ABCA9: variants seen among roughly 807,000 people sequenced by gnomAD.
ABCA9 encodes the protein ATP-binding cassette sub-family A member 9.
In ABCA9, 183 loss-of-function variants were observed where a neutral mutation model predicts 205.3. That is an observed-to-expected ratio of 0.89 (90% CI 0.79 to 1.01). The LOEUF (loss-of-function observed/expected upper bound fraction) is 1.01, where lower values mean the gene tolerates loss of function less well. Ranked by LOEUF, ABCA9 falls within the 50% of genes least tolerant of loss-of-function variation. The probability of loss-of-function intolerance (pLI) is 0.00; values close to 1 mark genes in which losing one functional copy is unlikely to be tolerated. For missense variants in ABCA9, 1,805 were observed against 1,912.4 expected (o/e 0.94, Z 1.05); for synonymous variants, 651 against 683.3 (o/e 0.95, Z 0.74).
intron 32 of ABCA9, among the ~76,000 whole-genome samples, chr17:68,985,345 C>T (rs12942599): frequency 0.49 from 74,625 of 152,082 alleles, 21,665 homozygotes; most frequent in Non-Finnish European, 0.65. Flanking sequence ...CAGGCTGGAC[C>T]GGGCACAGTG....
rs1482162228 is a variant in ABCA9 at position 68,989,858 on chromosome 17, T to C, written c.3910A>G (p.Lys1304Glu). ...ACATTTCTTGTGGCAATTTTTTTCT[T>C]CCTTTTAGAAAAGCAATTTTTCTTT... is the stretch of plus-strand genomic sequence containing the variant. ...GKKKNCFSKR[K>E]KKIATRNVSF... The change falls in exon 30 of 39, where the codon AAG (lysine) becomes GAG (glutamate). Residue 1304 changes from lysine to glutamate, a missense_variant. Lys to Glu is a moderately conservative substitution (Grantham distance 56). Coordinates refer to ENST00000340001, the MANE Select transcript of ABCA9 (RefSeq NM_080283.4). 6.2e-7 allele frequency: 1 copy of C among 1,613,148 alleles called. No homozygotes were observed. Among genetic ancestry groups the C allele is most frequent in the Non-Finnish European group, 8.5e-7 (1 of 1,179,242 alleles).
intron 22 of ABCA9, among the ~76,000 whole-genome samples, chr17:69,015,695 T>G (rs1280121885): frequency 2.6e-5 from 4 of 152,180 alleles, no homozygotes; most frequent in Non-Finnish European, 5.9e-5. Context: ...CTTAGCCAGG[T>G]GCTCACATTG....
Position 69,029,224 on chromosome 17 carries a change from G to T in ABCA9, c.1449C>A (p.Ile483=), listed in dbSNP as rs2071086010. ...PEFCGKEAIR[I]KNLKKEYAGK... The stretch of plus-strand genomic sequence containing the variant: ...CTGCATATTCTTTTTTAAGATTTTT[G>T]ATTCTGAAAAAAAGAGGGAAATGTT... The change falls in exon 11 of 39, where the codon ATC becomes ATA. Residue 483 remains isoleucine, a synonymous_variant. Coordinates refer to ENST00000340001, the MANE Select transcript of ABCA9 (RefSeq NM_080283.4). 6.4e-7 allele frequency: 1 copy of T among 1,551,026 alleles called. No individual in the cohort carries two copies. Among genetic ancestry groups the T allele is most frequent in the South Asian group, 1.2e-5 (1 of 85,674 alleles).
chr17:69,046,851 A>G (rs2071722424), intron 3 of ABCA9, among the ~76,000 whole-genome samples: 2 of 146,466 alleles, frequency 1.4e-5, no homozygotes, highest in South Asian at 4.3e-4. Context: ...CACTTTATAC[A>G]CATTGCCTGA....
At position 68,989,839 on chromosome 17, in the gene ABCA9, C is replaced by A; in HGVS notation, c.3929G>T (p.Arg1310Ile). 1 of 1,604,544 alleles carries A rather than the reference C, an allele frequency of 6.2e-7. No homozygotes were observed. Among genetic ancestry groups the A allele is most frequent in the Non-Finnish European group, 8.5e-7 (1 of 1,171,582 alleles). ...TTTTTTAACACAAAAAGAGACATTT[C>A]TTGTGGCAATTTTTTTCTTCCTTTT... ...FSKRKKKIAT[R>I]NVSFCVKKGE... Residue 1310 changes from arginine (R) to isoleucine (I), a missense_variant, in exon 30 of 39, where the codon AGA becomes ATA. Physicochemically the swap from Arg to Ile is moderately conservative, Grantham distance 97. Coordinates refer to ENST00000340001, the MANE Select transcript of ABCA9 (RefSeq NM_080283.4).
rs944532187 is a variant in ABCA9, at chr17:68,983,734, A to T, written c.4615T>A (p.Phe1539Ile). The T allele has an allele frequency of 6.2e-7, 1 of 1,614,078 alleles. No homozygotes were observed. The highest frequency in any genetic ancestry group is 8.5e-7 in the Non-Finnish European group (1 of 1,180,026). The change falls in exon 36 of 39, where the codon TTC (phenylalanine) becomes ATC (isoleucine). Residue 1539 changes from phenylalanine to isoleucine, a missense_variant. Coordinates refer to ENST00000340001, the MANE Select transcript of ABCA9 (RefSeq NM_080283.4). ...CTTTCCTGCTGAGCAGCCTGGGGGA[A>T]AAGCCTCAGGATCTCTGCATGGAGG... ...EPLHAEILRL[F>I]PQAAQQERFS...
chr17:68,998,329 T>C (rs975759220), intron 25 of ABCA9, among the ~76,000 whole-genome samples: 1 of 152,230 alleles, frequency 6.6e-6, no homozygotes, highest in Non-Finnish European at 1.5e-5. Flanking sequence ...TGATTATGTC[T>C]GACCTTTCCT....
In ABCA9 at chr17:68,980,692, C is replaced by T. The variant is rs551288551; in HGVS notation, c.4720+1870G>A. Among the ~76,000 whole-genome samples the T allele has an allele frequency of 5.6e-5, 8 of 143,214 alleles. No homozygotes were observed. In the South Asian group the frequency reaches 1.5e-3, roughly 27 times the overall value. The allele number at this position is 143,214 out of a possible 152,430, so 94.0% of individuals were successfully genotyped here. ...AGCAAACTCACTCAGCATGTTCTCA[C>T]TCATAGGTGAGAATTGAACAATGAG... On this transcript the variant is annotated intron_variant, in intron 37 of 38. Coordinates refer to ENST00000340001, the MANE Select transcript of ABCA9 (RefSeq NM_080283.4).
At position 69,023,690 on chromosome 17, in the gene ABCA9, C is replaced by T. The variant is rs772675881; in HGVS notation, c.2281+524G>A. On this transcript the variant is annotated intron_variant, in intron 17 of 38. Coordinates refer to ENST00000340001, the MANE Select transcript of ABCA9 (RefSeq NM_080283.4). The surrounding 1 kb of genome is among the most constrained non-coding windows in gnomAD (Gnocchi z 4.2). ...GAGATACCATAGAAAAGTAATAACA[C>T]CAGTAGTTCTCCAAGCTTCTGTGTT... Among the ~76,000 whole-genome samples the T allele has an allele frequency of 3.5e-4, 54 of 152,144 alleles. No homozygotes were observed. The highest frequency in any genetic ancestry group is 7.7e-4 in the East Asian group (4 of 5,202).
intron 14 of ABCA9, 98 bp downstream of exon 14, chr17:69,027,232 A>G (rs564827904): frequency 6.4e-7 from 1 of 1,562,138 alleles, no homozygotes; most frequent in South Asian, 1.2e-5. Context: ...TTTCATCCTA[A>G]AAGTTCTCTT....
rs369920703 is a variant in ABCA9, at chr17:69,011,952, T to C, written c.3147+24A>G. On this transcript the variant is annotated intron_variant, in intron 23 of 38. Transcript: ENST00000340001. ...AAGGGTTCTCTAGATATAAAAAACA[T>C]GTGAAGACTTTAACTCTTCTTACTT... 1.2e-5 allele frequency: 18 copies of C among 1,540,356 alleles called. No individual in the cohort carries two copies. The African/African-American group carries it at 1.2e-4, about 11-fold the overall frequency.
chr17:68,985,012 A>C, intron 33 of ABCA9, 33 bp from the exon 34 acceptor site: 6 of 1,614,180 alleles, frequency 3.7e-6, no homozygotes, highest in Non-Finnish European at 5.1e-6. Flanking sequence ...TCTGGTTCCC[A>C]TCTACGGCAC....
intron 22 of ABCA9, 37 bp downstream of exon 22, chr17:69,016,216 T>C (rs376684702): frequency 3.5e-6 from 5 of 1,437,410 alleles, no homozygotes; most frequent in Non-Finnish European, 3.7e-6. Flanking sequence ...TGAAAACTTA[T>C]CATGGCACAG....
At chr17:69,071,429 G>A in the ABCA9 span, among the ~76,000 whole-genome samples, 25 of 152,286 alleles carry the variant, frequency 1.6e-4, no homozygotes, top group South Asian at 6.2e-4. Flanking sequence ...TGCAGCCTCC[G>A]CCAGTGAGAC....
chr17:69,004,102 CCTT>C (rs2070005469), intron 25 of ABCA9, among the ~76,000 whole-genome samples: 1 of 152,176 alleles, frequency 6.6e-6, no homozygotes, highest in Admixed American at 6.5e-5. Flanking sequence ...TCGTCTGAAG[CCTT>C]CTTCTCTCAG....
Position 68,989,211 on chromosome 17 carries a change from G to T in ABCA9, c.3956-93C>A, listed in dbSNP as rs2069356797. On this transcript the variant is annotated intron_variant, in intron 30 of 38. Coordinates refer to ENST00000340001, the MANE Select transcript of ABCA9 (RefSeq NM_080283.4). ...GAGGGCTGTGTGTCAAGTGCTATGT[G>T]AAATGTGCTATATATATTATTTCCC... 4.2e-6 allele frequency: 3 copies of T among 714,140 alleles called. No homozygotes were observed. In the South Asian group the frequency reaches 4.7e-5, roughly 11 times the overall value. 44.2% of individuals were successfully genotyped at this position (714,140 alleles called of 1,614,324 possible).
chr17:69,077,352 T>A, the ABCA9 span, among the ~76,000 whole-genome samples: 1 of 152,166 alleles, frequency 6.6e-6, no homozygotes, highest in Admixed American at 6.5e-5. Context: ...ATTTTTATTC[T>A]TCTGTGGTCT....
At position 68,984,188 on chromosome 17, in the gene ABCA9, C is replaced by T; in HGVS notation, c.4380-13G>A. 6.2e-7 allele frequency: 1 copy of T among 1,612,922 alleles called. No individual in the cohort carries two copies. Among genetic ancestry groups the T allele is most frequent in the Non-Finnish European group, 8.5e-7 (1 of 1,179,586 alleles). On this transcript the variant is annotated splice_polypyrimidine_tract_variant and intron_variant, in intron 34 of 38. Coordinates refer to ENST00000340001, the MANE Select transcript of ABCA9 (RefSeq NM_080283.4). ...CCGAATCACCTGCCTAAAGTTAAGT[C>T]AAGAGAAAACGTGAACTCATGGGAA...
chr17:69,069,674 A>G, the ABCA9 span, among the ~76,000 whole-genome samples: 1 of 151,488 alleles, frequency 6.6e-6, no homozygotes, highest in East Asian at 1.9e-4. Context: ...ACAGCGTTGA[A>G]ATAGTTTAGT....
Sources: gnomAD v4.1 joint callset for allele counts (sites outside exome capture counted in the v4.1 genomes callset) on GRCh38, gnomAD v4.1.1 for gene constraint, Gnocchi (gnomAD v3.1) non-coding constraint, MANE v1.5 for transcripts, NCBI Gene and HGNC (gene_info 2026-07-23, HGNC 2026-07-21) for gene names.